SGIP1: variants seen among roughly 807,000 people sequenced by gnomAD.
SGIP1 encodes SH3GL interacting endocytic adaptor 1, also known as SH3-containing GRB2-like protein 3-interacting protein 1.
Under a neutral mutation model 107.5 loss-of-function variants are expected in SGIP1, and 38 were observed. The observed-to-expected ratio is 0.35, with a 90% CI of 0.27 to 0.46. SGIP1 has a LOEUF of 0.46. SGIP1 is among the 20% of genes least tolerant of loss of function. The probability of loss-of-function intolerance (pLI) is 1.00; values close to 1 mark genes in which losing one functional copy is unlikely to be tolerated. For missense variants in SGIP1, 929 were observed against 1,019.5 expected, an observed-to-expected ratio of 0.91 and a Z score of 1.21; for synonymous variants, 365 against 366.1, an observed-to-expected ratio of 1.00 and a Z score of 0.03.
At chr1:66,631,470 C>T (rs1198432517) in intron 2 of SGIP1, among the ~76,000 whole-genome samples, 2 of 152,048 alleles carry the variant, frequency 1.3e-5, no homozygotes, top group Admixed American at 1.3e-4. Context: ...GTTTCTTGTC[C>T]CTGTATCACT....
chr1:66,553,633 A>T (rs533633928), intron 1 of SGIP1, among the ~76,000 whole-genome samples: 1 of 151,192 alleles, frequency 6.6e-6, no homozygotes, highest in Non-Finnish European at 1.5e-5. Flanking sequence ...CCAAGATCAT[A>T]TCACTGCACT....
intron 1 of SGIP1, among the ~76,000 whole-genome samples, chr1:66,590,874 T>C (rs945880042): frequency 6.6e-6 from 1 of 152,184 alleles, no homozygotes; most frequent in African/African-American, 2.4e-5. Flanking sequence ...CCTGATCCAC[T>C]GCACCTGGCA....
At chr1:66,684,538 A>C (rs940575971) in intron 15 of SGIP1, among the ~76,000 whole-genome samples, 7 of 152,184 alleles carry the variant, frequency 4.6e-5, no homozygotes, top group Non-Finnish European at 8.8e-5. Flanking sequence ...GTGTACTTTT[A>C]TTTTCTATGC....
At chr1:66,580,529 C>T (rs2061674991) in intron 1 of SGIP1, among the ~76,000 whole-genome samples, 1 of 152,152 alleles carries the variant, frequency 6.6e-6, no homozygotes, top group African/African-American at 2.4e-5. Flanking sequence ...CCATCTGACA[C>T]AAGATGTTTA....
intron 18 of SGIP1, among the ~76,000 whole-genome samples, chr1:66,706,398 G>GTT (rs1243722135): frequency 6.9e-6 from 1 of 144,224 alleles, no homozygotes; most frequent in Non-Finnish European, 1.5e-5. Flanking sequence ...ATATAAAATA[G>GTT]TTATATATAA....
At chr1:66,617,806 T>C (rs1344957892) in intron 1 of SGIP1, among the ~76,000 whole-genome samples, 3 of 152,170 alleles carry the variant, frequency 2.0e-5, no homozygotes, top group Non-Finnish European at 4.4e-5. Flanking sequence ...ATGTGCAGCC[T>C]AACTTGCCTA....
rs762062091 is a variant in SGIP1, at chr1:66,729,358, T to C, written c.1837T>C (p.Phe613Leu). 1 of 1,614,024 alleles carries C rather than the reference T, an allele frequency of 6.2e-7. No homozygotes were observed. Among genetic ancestry groups the C allele is most frequent in the African/African-American group, 1.3e-5 (1 of 74,916 alleles). The change falls in exon 20 of 25, where the codon TTT becomes CTT. Residue 613 changes from phenylalanine to leucine, a missense_variant. Physicochemically the swap from Phe to Leu is conservative, Grantham distance 22. Around this residue, in one of 2 missense-constraint regions of SGIP1, gnomAD observed 341 missense variants for 430.9 expected, o/e 0.79. Transcript: ENST00000371037. ...CAACCCGTCCCCAGCTGCTCTGACT[T>C]TTCGGGTGATAAATTTCAGCAGGTT... The part of the protein sequence containing the change: ...ANNPSPAALT[F>L]RVINFSRLEH...
At chr1:66,630,877 A>AAGAC (rs2074270482) in intron 2 of SGIP1, among the ~76,000 whole-genome samples, 1 of 59,134 alleles carries the variant, frequency 1.7e-5, no homozygotes, top group Non-Finnish European at 3.1e-5. Flanking sequence ...GAAAGAAAGA[A>AAGAC]AGAAAGAAAG....
intron 14 of SGIP1, among the ~76,000 whole-genome samples, 186 bp from the exon 15 acceptor site, chr1:66,681,683 T>C (rs979297644): frequency 2.6e-5 from 4 of 151,184 alleles, no homozygotes; most frequent in African/African-American, 9.9e-5. Flanking sequence ...TGATGCTCAC[T>C]TTGTGGAGGG....
intron 1 of SGIP1, among the ~76,000 whole-genome samples, chr1:66,584,263 C>T (rs1192800591): frequency 6.6e-6 from 1 of 152,030 alleles, no homozygotes; most frequent in Non-Finnish European, 1.5e-5. Flanking sequence ...TGTTAGTAAG[C>T]ATCAGCCATA....
intron 20 of SGIP1, among the ~76,000 whole-genome samples, chr1:66,732,926 T>C (rs2094081709): frequency 6.6e-6 from 1 of 152,208 alleles, no homozygotes; most frequent in Non-Finnish European, 1.5e-5. Flanking sequence ...GACAAGTAAC[T>C]GAATCACTTG....
At chr1:66,606,257 G>A (rs2066820851) in intron 1 of SGIP1, among the ~76,000 whole-genome samples, 1 of 152,122 alleles carries the variant, frequency 6.6e-6, no homozygotes. Context: ...CTATCCATCA[G>A]GATTGATTTA....
At chr1:66,705,837 AG>A in intron 18 of SGIP1, among the ~76,000 whole-genome samples, 1 of 152,106 alleles carries the variant, frequency 6.6e-6, no homozygotes, top group Non-Finnish European at 1.5e-5. Context: ...ACATGGACAC[AG>A]GGAGGGGAAC....
intron 1 of SGIP1, among the ~76,000 whole-genome samples, chr1:66,611,132 G>A (rs2067913551): frequency 6.6e-6 from 1 of 151,698 alleles, no homozygotes; most frequent in Non-Finnish European, 1.5e-5. Flanking sequence ...AAAACCTATG[G>A]GAATAAAAAA....
chr1:66,578,674 A>AT (rs912682519), intron 1 of SGIP1, among the ~76,000 whole-genome samples: 9 of 151,412 alleles, frequency 5.9e-5, no homozygotes, highest in East Asian at 3.9e-4. Context: ...GGTTCAAGGT[A>AT]TTTTTTTTTC....
chr1:66,623,771 G>C (rs1315981317), intron 1 of SGIP1, among the ~76,000 whole-genome samples: 1 of 152,178 alleles, frequency 6.6e-6, no homozygotes, highest in Non-Finnish European at 1.5e-5. Context: ...TAGGCTGAGA[G>C]GTTGAAACAT....
At position 66,745,995 on chromosome 1, in the gene SGIP1, T is replaced by C. The variant is rs1357683634; in HGVS notation, c.*2900T>C. 1 of 152,118 alleles carries C rather than the reference T, an allele frequency of 6.6e-6. No homozygotes were observed. Among genetic ancestry groups the C allele is most frequent in the Non-Finnish European group, 1.5e-5 (1 of 67,962 alleles). The allele number at this position is 152,118 out of a possible 1,614,324, so 9.4% of individuals were successfully genotyped here. A position where few individuals can be genotyped will look rare whatever the true frequency, so the allele number is the denominator to read the frequency against. On this transcript the variant is annotated 3_prime_UTR_variant, in exon 25 of 25. Transcript: ENST00000371037. The stretch of plus-strand genomic sequence containing the variant: ...TCACTGTATGGTATTTGGGAATATA[T>C]TTCACCTGTAAAAGAAAGAATGTCC...
chr1:66,659,072 C>T (rs1169447028), intron 7 of SGIP1, among the ~76,000 whole-genome samples: 3 of 152,082 alleles, frequency 2.0e-5, no homozygotes, highest in Non-Finnish European at 4.4e-5. Flanking sequence ...GAAGTTGGAG[C>T]CCATCACCAA....
At chr1:66,615,103 G>A (rs1400870262) in intron 1 of SGIP1, among the ~76,000 whole-genome samples, 2 of 151,760 alleles carry the variant, frequency 1.3e-5, no homozygotes, top group African/African-American at 2.4e-5. Flanking sequence ...TTACAGGCAG[G>A]AGCCTCTGCC....
Sources: allele counts gnomAD v4.1 joint callset (sites outside exome capture counted in the v4.1 genomes callset), GRCh38; gene constraint gnomAD v4.1.1; regional missense constraint gnomAD v4.1.1; transcripts MANE v1.5; gene names NCBI Gene and HGNC (gene_info 2026-07-23, HGNC 2026-07-21).